NKAIN2: variants seen among roughly 807,000 people sequenced by gnomAD.
NKAIN2 encodes the protein sodium/potassium transporting ATPase interacting 2.
Under a neutral mutation model 32.6 loss-of-function variants are expected in NKAIN2, and 14 were observed. That is an observed-to-expected ratio of 0.43 (90% confidence interval 0.28 to 0.67). The LOEUF (loss-of-function observed/expected upper bound fraction) is 0.67, where lower values mean the gene tolerates loss of function less well. Ranked by LOEUF, NKAIN2 falls within the 30% of genes least tolerant of loss-of-function variation. The pLI, the probability that NKAIN2 is intolerant of heterozygous loss-of-function variation, is 0.17. For synonymous variants in NKAIN2, 80 were observed against 87.2 expected, an observed-to-expected ratio of 0.92 and a Z score of 0.46; for missense variants, 198 against 258.3, an observed-to-expected ratio of 0.77 and a Z score of 1.60.
intron 1 of NKAIN2, among the ~76,000 whole-genome samples, chr6:124,268,139 C>T (rs1245369442): frequency 6.6e-6 from 1 of 152,088 alleles, no homozygotes; most frequent in East Asian, 1.9e-4. Flanking sequence ...CAACAAGCAT[C>T]GTGTAAACAT....
intron 1 of NKAIN2, among the ~76,000 whole-genome samples, chr6:124,188,227 A>T (rs1053482004): frequency 2.6e-5 from 4 of 152,194 alleles, no homozygotes; most frequent in African/African-American, 9.7e-5. Context: ...ATTCAGTAGG[A>T]AATATATATT....
At chr6:124,145,266 C>A (rs1787344604) in intron 1 of NKAIN2, among the ~76,000 whole-genome samples, 1 of 152,146 alleles carries the variant, frequency 6.6e-6, no homozygotes, top group Admixed American at 6.5e-5. Context: ...AACAATTATC[C>A]TCTTAGACAT....
intron 4 of NKAIN2, among the ~76,000 whole-genome samples, chr6:124,706,386 G>C (rs1373704885): frequency 1.3e-5 from 2 of 150,840 alleles, no homozygotes; most frequent in Non-Finnish European, 2.9e-5. Flanking sequence ...TCTGATTAAA[G>C]GGCTCTTCAT....
chr6:124,750,526 T>A (rs965141538), intron 4 of NKAIN2, among the ~76,000 whole-genome samples: 1 of 151,732 alleles, frequency 6.6e-6, no homozygotes, highest in Non-Finnish European at 1.5e-5. Flanking sequence ...GATGGATGGA[T>A]GGATGGATGG....
intron 3 of NKAIN2, among the ~76,000 whole-genome samples, chr6:124,449,070 A>G (rs1184649988): frequency 1.3e-5 from 2 of 152,152 alleles, no homozygotes; most frequent in African/African-American, 2.4e-5. Context: ...ACACAAACAT[A>G]TAGAGAATTC....
At chr6:123,885,275 G>A (rs1281024598) in intron 1 of NKAIN2, among the ~76,000 whole-genome samples, 1 of 152,078 alleles carries the variant, frequency 6.6e-6, no homozygotes, top group Non-Finnish European at 1.5e-5. Flanking sequence ...CCCCTGATAG[G>A]ATTACGGGAT....
intron 1 of NKAIN2, among the ~76,000 whole-genome samples, chr6:124,201,318 T>C (rs1173323793): frequency 6.6e-6 from 1 of 152,038 alleles, no homozygotes; most frequent in African/African-American, 2.4e-5. Flanking sequence ...AATGGTTCTC[T>C]TTAAATATAG....
chr6:124,094,942 T>C (rs899885750), intron 1 of NKAIN2, among the ~76,000 whole-genome samples: 2 of 152,190 alleles, frequency 1.3e-5, no homozygotes, highest in African/African-American at 4.8e-5. Context: ...TGTAGACTTC[T>C]CTCCACTTAC....
intron 1 of NKAIN2, among the ~76,000 whole-genome samples, chr6:124,110,857 G>A (rs1785351995): frequency 6.6e-6 from 1 of 152,020 alleles, no homozygotes; most frequent in African/African-American, 2.4e-5. Context: ...AGATGGACAT[G>A]CAAGTGTATG....
At chr6:124,593,084 C>T (rs1351502623) in intron 3 of NKAIN2, among the ~76,000 whole-genome samples, 1 of 152,116 alleles carries the variant, frequency 6.6e-6, no homozygotes, top group Non-Finnish European at 1.5e-5. Flanking sequence ...TAAACAAACA[C>T]TTGTAAACCT....
intron 3 of NKAIN2, among the ~76,000 whole-genome samples, chr6:124,536,838 A>G (rs1779734582): frequency 6.6e-6 from 1 of 152,232 alleles, no homozygotes; most frequent in Non-Finnish European, 1.5e-5. Flanking sequence ...CAAATAAACA[A>G]TAAGGCAAAA....
chr6:124,747,445 A>T (rs575781598), intron 4 of NKAIN2, among the ~76,000 whole-genome samples: 1 of 151,902 alleles, frequency 6.6e-6, no homozygotes, highest in Non-Finnish European at 1.5e-5. Flanking sequence ...AACTTAACTG[A>T]TGTGAAAACT....
At chr6:123,928,808 C>T (rs778513124) in intron 1 of NKAIN2, among the ~76,000 whole-genome samples, 3 of 152,030 alleles carry the variant, frequency 2.0e-5, no homozygotes, top group Admixed American at 6.6e-5. Flanking sequence ...TGGATGAAAA[C>T]GTCCATGGCA....
intron 1 of NKAIN2, among the ~76,000 whole-genome samples, chr6:123,951,828 T>C (rs1212290262): frequency 1.3e-5 from 2 of 151,994 alleles, no homozygotes; most frequent in South Asian, 2.1e-4. Context: ...TTTATTCCTA[T>C]ACTTTTATTA....
chr6:124,232,800 A>G (rs914750393), intron 1 of NKAIN2, among the ~76,000 whole-genome samples: 1 of 152,200 alleles, frequency 6.6e-6, no homozygotes, highest in African/African-American at 2.4e-5. Context: ...ACTATTTTCC[A>G]GTATATTCTG....
intron 4 of NKAIN2, among the ~76,000 whole-genome samples, chr6:124,786,308 A>T (rs1779501708): frequency 6.6e-6 from 1 of 152,142 alleles, no homozygotes. Flanking sequence ...TATAATGTTC[A>T]GAGTTTTTAG....
chr6:124,510,605 T>A (rs1488257323), intron 3 of NKAIN2, among the ~76,000 whole-genome samples: 1 of 152,192 alleles, frequency 6.6e-6, no homozygotes, highest in African/African-American at 2.4e-5. Context: ...TCATAAGCAA[T>A]CTGGTTCACA....
chr6:124,504,238 A>C (rs1323883449), intron 3 of NKAIN2, among the ~76,000 whole-genome samples: 1 of 152,130 alleles, frequency 6.6e-6, no homozygotes, highest in African/African-American at 2.4e-5. Context: ...TGATTCCTTC[A>C]TTAATAAACT....
At chr6:124,017,172 C>A (rs955874966) in intron 1 of NKAIN2, among the ~76,000 whole-genome samples, 1 of 152,154 alleles carries the variant, frequency 6.6e-6, no homozygotes, top group Non-Finnish European at 1.5e-5. Flanking sequence ...TGCAGGGGAA[C>A]TCCCCTTTAT....
Sources: gnomAD v4.1 joint callset for allele counts (sites outside exome capture counted in the v4.1 genomes callset) on GRCh38, gnomAD v4.1.1 for gene constraint, MANE v1.5 for transcripts, NCBI Gene and HGNC (gene_info 2026-07-23, HGNC 2026-07-21) for gene names.